MTOR: variants seen among roughly 807,000 people sequenced by gnomAD.
MTOR encodes serine/threonine-protein kinase mTOR.
Under a neutral mutation model 319.8 loss-of-function variants are expected in MTOR, and 70 were observed. That is an observed-to-expected ratio of 0.22 (90% CI 0.18 to 0.27). MTOR has a LOEUF of 0.27. MTOR is among the 10% of genes least tolerant of loss of function. MTOR has a pLI of 1.00. For missense variants in MTOR, 1,890 were observed against 3,274.4 expected (o/e 0.58, Z 10.32); for synonymous variants, 1,183 against 1,211.4 (o/e 0.98, Z 0.49).
chr1:11,119,288 C>A (rs557724551), intron 49 of MTOR, among the ~76,000 whole-genome samples: 10 of 151,590 alleles, frequency 6.6e-5, no homozygotes, highest in African/African-American at 2.4e-4. Flanking sequence ...AAAGAGTGGC[C>A]GGGAACGGTG....
chr1:11,110,821 C>T (rs900844945), intron 54 of MTOR, among the ~76,000 whole-genome samples: 2 of 152,082 alleles, frequency 1.3e-5, no homozygotes, highest in African/African-American at 2.4e-5. Context: ...CAGGTGTGCA[C>T]CACAACACCC....
At chr1:11,244,763 T>C (rs1018131137) in intron 8 of MTOR, among the ~76,000 whole-genome samples, 1 of 152,258 alleles carries the variant, frequency 6.6e-6, no homozygotes, top group Non-Finnish European at 1.5e-5. Flanking sequence ...ATATCTTTTC[T>C]ATGTCTATGT....
At chr1:11,165,781 C>T (rs1417668081) in intron 29 of MTOR, among the ~76,000 whole-genome samples, 2 of 152,050 alleles carry the variant, frequency 1.3e-5, no homozygotes, top group African/African-American at 4.8e-5. Flanking sequence ...GAGCCCGCAT[C>T]GCCAAGACAA....
intron 28 of MTOR, chr1:11,190,000 C>G (rs1238397904): frequency 6.4e-7 from 1 of 1,560,420 alleles, no homozygotes; most frequent in East Asian, 2.2e-5. Flanking sequence ...GCCTCCCCAT[C>G]TACAGCACTG....
At chr1:11,253,268 C>T (rs1319548483) in intron 6 of MTOR, among the ~76,000 whole-genome samples, 2 of 152,190 alleles carry the variant, frequency 1.3e-5, no homozygotes, top group Admixed American at 6.5e-5. Flanking sequence ...CAACACATCT[C>T]CTAATTGGTC....
rs17848538 is a variant in MTOR at position 11,213,030 on chromosome 1, T to C, written c.3286-122A>G. ...GGGACTGGGAAAACTCTTTATTAAA[T>C]GGCCTTGAACTATATCCTTTTGATA... On this transcript the variant is annotated intron_variant, in intron 21 of 57. Coordinates refer to ENST00000361445, the MANE Select transcript of MTOR (RefSeq NM_004958.4). 7 of 723,964 alleles carry C rather than the reference T, an allele frequency of 9.7e-6. No individual in the cohort carries two copies. In the East Asian group the frequency reaches 1.6e-4, roughly 17 times the overall value. 44.8% of individuals were successfully genotyped at this position (723,964 alleles called of 1,614,324 possible). A position where few individuals can be genotyped will look rare whatever the true frequency, so the allele number is the denominator to read the frequency against.
chr1:11,246,454 C>G (rs1382398164), intron 8 of MTOR, among the ~76,000 whole-genome samples: 1 of 152,192 alleles, frequency 6.6e-6, no homozygotes. Flanking sequence ...ACAATAGAAA[C>G]TAACAAAATA....
intron 12 of MTOR, 66 bp from the exon 13 acceptor site, chr1:11,238,114 C>T: frequency 1.4e-6 from 2 of 1,467,956 alleles, no homozygotes; most frequent in Non-Finnish European, 1.9e-6. Context: ...TTCCCAGCTT[C>T]TACCTCCACT....
chr1:11,129,008 G>T lies in MTOR; in HGVS notation c.5715-57C>A. ...TTAGTTTCCCAGTTTTTGCCTGCCTGTTTTTCATCTCTAAGGCTCCTGAGA... is the reference window on the plus strand; with the variant it reads ...TTAGTTTCCCAGTTTTTGCCTGCCTTTTTTTCATCTCTAAGGCTCCTGAGA... On this transcript the variant is annotated intron_variant, in intron 40 of 57. Transcript: ENST00000361445. This position sits in a 1 kb window ranked among gnomAD's most constrained non-coding sequence, Gnocchi z 4.7. The T allele has an allele frequency of 7.0e-7, 1 of 1,421,346 alleles. No individual in the cohort carries two copies. The highest frequency in any genetic ancestry group is 9.8e-7 in the Non-Finnish European group (1 of 1,020,912). The allele number at this position is 1,421,346 out of a possible 1,614,324, so 88.0% of individuals were successfully genotyped here.
Position 11,133,253 on chromosome 1 carries a change from A to G in MTOR, c.5247-56T>C. ...TTCCCTCCTCAAAACAGCCCTCCTA[A>G]GAGGACCACAAATTGTTAGGGGACA... On this transcript the variant is annotated intron_variant, in intron 37 of 57. Transcript: ENST00000361445. This position sits in a 1 kb window ranked among gnomAD's most constrained non-coding sequence, Gnocchi z 4.0. The G allele has an allele frequency of 1.4e-5, 20 of 1,436,926 alleles. No individual in the cohort carries two copies. Among genetic ancestry groups the G allele is most frequent in the Non-Finnish European group, 2.0e-5 (20 of 1,020,238 alleles). 89.0% of individuals were successfully genotyped at this position (1,436,926 alleles called of 1,614,324 possible).
chr1:11,122,736 T>C (rs766850718), intron 47 of MTOR, among the ~76,000 whole-genome samples: 1 of 152,060 alleles, frequency 6.6e-6, no homozygotes, highest in Non-Finnish European at 1.5e-5. Context: ...CTCGAACTCC[T>C]GACCTCGTGA....
intron 19 of MTOR, among the ~76,000 whole-genome samples, chr1:11,225,185 T>A (rs1487318113): frequency 2.0e-5 from 3 of 152,128 alleles, no homozygotes; most frequent in African/African-American, 7.2e-5. Context: ...GTATGTAAAT[T>A]TTATCTGACT....
intron 56 of MTOR, 41 bp from the exon 57 acceptor site, chr1:11,108,327 C>A (rs754177112): frequency 2.0e-6 from 3 of 1,468,874 alleles, no homozygotes; most frequent in Non-Finnish European, 1.9e-6. Flanking sequence ...CTCTTCCTGG[C>A]AATCGATGCA....
intron 50 of MTOR, among the ~76,000 whole-genome samples, chr1:11,116,025 C>T (rs1642147851): frequency 6.6e-6 from 1 of 152,192 alleles, no homozygotes; most frequent in African/African-American, 2.4e-5. Flanking sequence ...CAAAAATCTA[C>T]TATTTTTGTG....
chr1:11,167,378 A>C, intron 29 of MTOR, 64 bp downstream of exon 29: 1 of 1,287,530 alleles, frequency 7.8e-7, no homozygotes, highest in South Asian at 1.2e-5. Context: ...TCTGAAGGTC[A>C]GGGCCAATAA....
intron 47 of MTOR, 37 bp from the exon 48 acceptor site, chr1:11,122,163 AAG>A (rs770337732): frequency 4.3e-6 from 7 of 1,613,326 alleles, no homozygotes; most frequent in Non-Finnish European, 5.1e-6. Context: ...GTGTACCGTA[AAG>A]AGAGTATACC....
intron 30 of MTOR, 37 bp from the exon 31 acceptor site, chr1:11,150,263 A>G (rs769760531): frequency 1.3e-6 from 2 of 1,563,870 alleles, no homozygotes; most frequent in Non-Finnish European, 1.7e-6. Flanking sequence ...ATTAATCCAA[A>G]TCTCCTTAAA....
At chr1:11,111,053 A>G (rs1476453348) in intron 54 of MTOR, 1 of 452,240 alleles carries the variant, frequency 2.2e-6, no homozygotes, top group Non-Finnish European at 4.4e-6. Context: ...GTGTCCTATG[A>G]GCCTGGTGAT....
At chr1:11,223,969 G>A (rs1445317665) in intron 19 of MTOR, among the ~76,000 whole-genome samples, 1 of 150,688 alleles carries the variant, frequency 6.6e-6, no homozygotes, top group Non-Finnish European at 1.5e-5. Context: ...AACCCAAGAG[G>A]CAGAGGTTGC....
Sources: allele counts gnomAD v4.1 joint callset (sites outside exome capture counted in the v4.1 genomes callset), GRCh38; gene constraint gnomAD v4.1.1; non-coding constraint Gnocchi (gnomAD v3.1); transcripts MANE v1.5; gene names NCBI Gene and HGNC (gene_info 2026-07-23, HGNC 2026-07-21).